Variants in HAS3 observed in about 807,000 individuals in gnomAD.
HAS3 encodes the protein hyaluronan synthase 3, also known as HA synthase 3.
In HAS3, 27 loss-of-function variants were observed where a neutral mutation model predicts 50.3. The ratio of observed to expected loss-of-function variants is 0.54; its 90% CI spans 0.40 to 0.74. The LOEUF (loss-of-function observed/expected upper bound fraction) is 0.74, where lower values mean the gene tolerates loss of function less well. Among genes scored for constraint, HAS3 ranks in the 30% least tolerant of loss-of-function variants. The probability of loss-of-function intolerance (pLI) is 0.00; values close to 1 mark genes in which losing one functional copy is unlikely to be tolerated. For missense variants in HAS3, 517 were observed against 742.8 expected (o/e 0.70, Z 3.53); for synonymous variants, 339 against 310.9 (o/e 1.09, Z -0.95).
the HAS3 span, among the ~76,000 whole-genome samples, chr16:69,090,332 C>T: frequency 6.6e-5 from 10 of 152,116 alleles, no homozygotes; most frequent in Non-Finnish European, 8.8e-5. Flanking sequence ...GGCTGCTGTG[C>T]GTATTTGTGT....
chr16:69,108,262 G>A (rs896689755), intron 1 of HAS3, among the ~76,000 whole-genome samples: 1 of 152,116 alleles, frequency 6.6e-6, no homozygotes, highest in Non-Finnish European at 1.5e-5. Flanking sequence ...TAGCTCTTCG[G>A]GGCCGGAAGT....
chr16:69,107,823 C>A lies in HAS3; in HGVS notation c.1-1573C>A. 3.6e-6 allele frequency: 2 copies of A among 552,672 alleles called. No homozygotes were observed. The highest frequency in any genetic ancestry group is 2.0e-5 in the African/African-American group (1 of 49,244). 34.2% of individuals were successfully genotyped at this position (552,672 alleles called of 1,614,324 possible). A position where few individuals can be genotyped will look rare whatever the true frequency, so the allele number is the denominator to read the frequency against. ...GGAGTCCTGTGAAGGAAGCACACGG[C>A]GGGCTCCCCGGGACGGTGGGGCAGA... On this transcript the variant is annotated intron_variant, in intron 1 of 3. Coordinates refer to ENST00000569188, the MANE Select transcript of HAS3 (RefSeq NM_001199280.2). The surrounding 1 kb of genome is among the most constrained non-coding windows in gnomAD (Gnocchi z 5.5).
At chr16:69,087,262 G>C in the HAS3 span, among the ~76,000 whole-genome samples, 1 of 152,124 alleles carries the variant, frequency 6.6e-6, no homozygotes, top group Non-Finnish European at 1.5e-5. Context: ...TGCTCTACAG[G>C]GGATGGCTCA....
In HAS3 at chr16:69,117,144, T is replaced by C. The variant is rs1961219251; in HGVS notation, c.*1878T>C. ...TAAGGCAGCTGATCCAGGCAATCGT[T>C]CTGCTGGCCAAGAAGTTAAACTATT... On this transcript the variant is annotated 3_prime_UTR_variant, in exon 4 of 4. Coordinates refer to ENST00000569188, the MANE Select transcript of HAS3 (RefSeq NM_001199280.2). 1 of 985,864 alleles carries C rather than the reference T, an allele frequency of 1.0e-6. No individual in the cohort carries two copies. The highest frequency in any genetic ancestry group is 4.7e-5 in the South Asian group (1 of 21,286). 61.1% of individuals were successfully genotyped at this position (985,864 alleles called of 1,614,324 possible). A position where few individuals can be genotyped will look rare whatever the true frequency, so the allele number is the denominator to read the frequency against.
At chr16:69,093,903 A>G in the HAS3 span, among the ~76,000 whole-genome samples, 1,856 of 152,278 alleles carry the variant, frequency 0.012, 19 homozygotes, top group Non-Finnish European at 0.019. Flanking sequence ...CTCTATTCCC[A>G]TACCATTCCT....
intron 2 of HAS3, among the ~76,000 whole-genome samples, chr16:69,112,921 G>A (rs1226572730): frequency 1.1e-4 from 17 of 152,200 alleles, no homozygotes; most frequent in Admixed American, 1.0e-3. Flanking sequence ...AGGGCGCAGA[G>A]GCCAGCAGCC....
Position 69,117,573 on chromosome 16 carries a change from CTGCT to C in HAS3, c.*2309_*2312del, listed in dbSNP as rs1277569783. The C allele has an allele frequency of 1.6e-5, 13 of 808,532 alleles. No individual in the cohort carries two copies. The highest frequency in any genetic ancestry group is 8.0e-5 in the Admixed American group (1 of 12,538). 50.1% of individuals were successfully genotyped at this position (808,532 alleles called of 1,614,324 possible). A position where few individuals can be genotyped will look rare whatever the true frequency, so the allele number is the denominator to read the frequency against. ...AATTTGTAAACATATTTATTTTTAC[CTGCT>C]TTTTTTTTTTTTTTTAATTTTCAGG... On this transcript the variant is annotated 3_prime_UTR_variant, in exon 4 of 4. Coordinates refer to ENST00000569188, the MANE Select transcript of HAS3 (RefSeq NM_001199280.2).
the HAS3 span, among the ~76,000 whole-genome samples, chr16:69,091,108 G>A: frequency 6.6e-6 from 1 of 152,046 alleles, no homozygotes; most frequent in African/African-American, 2.4e-5. Context: ...AAATTCCCAC[G>A]ATCTCACCTC....
At chr16:69,098,650 T>C in the HAS3 span, among the ~76,000 whole-genome samples, 2 of 151,364 alleles carry the variant, frequency 1.3e-5, no homozygotes, top group Non-Finnish European at 2.9e-5. Context: ...TATTAATATA[T>C]TATCAAACCT....
intron 2 of HAS3, among the ~76,000 whole-genome samples, chr16:69,111,294 A>G (rs1960994096): frequency 1.4e-5 from 2 of 147,716 alleles, no homozygotes; most frequent in Admixed American, 1.4e-4. Context: ...CTGGTCTTGA[A>G]CTCCTGACCT....
chr16:69,107,030 T>G lies in HAS3; in HGVS notation c.-1+1243T>G, dbSNP rs1327238785. 2.6e-5 allele frequency: 4 copies of G among 152,262 alleles called. No individual in the cohort carries two copies. The highest frequency in any genetic ancestry group is 9.7e-5 in the African/African-American group (4 of 41,450). The allele number at this position is 152,262 out of a possible 1,614,324, so 9.4% of individuals were successfully genotyped here. A position where few individuals can be genotyped will look rare whatever the true frequency, so the allele number is the denominator to read the frequency against. ...GGACTTGAGAGCGCCCCCAACCTTG[T>G]GCCCTTGAAAGCCGAGTGCGCGTTA... On this transcript the variant is annotated intron_variant, in intron 1 of 3. Coordinates refer to ENST00000569188, the MANE Select transcript of HAS3 (RefSeq NM_001199280.2). The surrounding 1 kb of genome is among the most constrained non-coding windows in gnomAD (Gnocchi z 5.5).
At position 69,107,334 on chromosome 16, in the gene HAS3, G is replaced by A. The variant is rs988125119; in HGVS notation, c.-1+1547G>A. ...GAGGGGTCCCGCCCAGGGAAGGAGAGGGCCGGCTACACCGGGGATGCGCCT... is the reference window on the plus strand; with the variant it reads ...GAGGGGTCCCGCCCAGGGAAGGAGAAGGCCGGCTACACCGGGGATGCGCCT... On this transcript the variant is annotated intron_variant, in intron 1 of 3. Coordinates refer to ENST00000569188, the MANE Select transcript of HAS3 (RefSeq NM_001199280.2). This position sits in a 1 kb window ranked among gnomAD's most constrained non-coding sequence, Gnocchi z 5.5. The A allele has an allele frequency of 1.0e-6, 1 of 983,480 alleles. No individual in the cohort carries two copies. The highest frequency in any genetic ancestry group is 1.2e-6 in the Non-Finnish European group (1 of 828,324). 60.9% of individuals were successfully genotyped at this position (983,480 alleles called of 1,614,324 possible). A position where few individuals can be genotyped will look rare whatever the true frequency, so the allele number is the denominator to read the frequency against.
the HAS3 span, among the ~76,000 whole-genome samples, chr16:69,093,299 C>T: frequency 0.027 from 4,097 of 152,250 alleles, 183 homozygotes; most frequent in African/African-American, 0.092. Context: ...GCAATCTCCA[C>T]CTCCCGAGTT....
chr16:69,100,599 C>A, the HAS3 span, among the ~76,000 whole-genome samples: 3 of 152,144 alleles, frequency 2.0e-5, no homozygotes, highest in Admixed American at 2.0e-4. Flanking sequence ...CCTCCTCCCG[C>A]CTCCCCTGCT....
upstream of HAS3, among the ~76,000 whole-genome samples, chr16:69,104,249 C>T (rs1960727590): frequency 6.6e-6 from 1 of 151,606 alleles, no homozygotes; most frequent in Admixed American, 6.6e-5. Context: ...CTCCACCATG[C>T]CTGGCTAATG....
chr16:69,106,422 C>G lies in HAS3; in HGVS notation c.-1+635C>G, dbSNP rs956124507. On this transcript the variant is annotated intron_variant, in intron 1 of 3. Coordinates refer to ENST00000569188, the MANE Select transcript of HAS3 (RefSeq NM_001199280.2). This position sits in a 1 kb window ranked among gnomAD's most constrained non-coding sequence, Gnocchi z 5.5. ...GTGCCTCTCGCCGAGCCCCCCGCAC[C>G]CGGCCAGCTCCCAGCCCTGCGGGCG... is the stretch of plus-strand genomic sequence containing the variant. The G allele has an allele frequency of 1.3e-5, 2 of 149,308 alleles. No homozygotes were observed. The highest frequency in any genetic ancestry group is 4.9e-5 in the African/African-American group (2 of 41,114). 9.2% of individuals were successfully genotyped at this position (149,308 alleles called of 1,614,324 possible).
At position 69,115,606 on chromosome 16, in the gene HAS3, G is replaced by A; in HGVS notation, c.*340G>A. The A allele has an allele frequency of 9.6e-7, 1 of 1,039,022 alleles. No individual in the cohort carries two copies. The highest frequency in any genetic ancestry group is 1.2e-6 in the Non-Finnish European group (1 of 865,028). The allele number at this position is 1,039,022 out of a possible 1,614,324, so 64.4% of individuals were successfully genotyped here. ...GTTAAGTCCCATTCAGTGGCAACTT[G>A]TGATAGGTACCTGAGTGACGGCAAC... On this transcript the variant is annotated 3_prime_UTR_variant, in exon 4 of 4. Transcript: ENST00000569188.
upstream of HAS3, among the ~76,000 whole-genome samples, chr16:69,101,961 T>C (rs1428252382): frequency 2.0e-5 from 3 of 152,046 alleles, no homozygotes. Flanking sequence ...ATTTTTTGTA[T>C]CTTTAGCGGA....
rs913756456 is a variant in HAS3 at position 69,113,493 on chromosome 16, G to A, written c.689G>A (p.Arg230Gln). ...LDPACTIEML[R>Q]VLEEDPQVGG... ...CCAGCCTGCACCATCGAGATGCTTC[G>A]AGTCCTGGAGGAGGATCCCCAAGTA... The change falls in exon 3 of 4, where the codon CGA becomes CAA. Residue 230 changes from arginine to glutamine, a missense_variant. Coordinates refer to ENST00000569188, the MANE Select transcript of HAS3 (RefSeq NM_001199280.2). 6.2e-6 allele frequency: 10 copies of A among 1,613,576 alleles called. No homozygotes were observed. The highest frequency in any genetic ancestry group is 4.4e-5 in the South Asian group (4 of 91,076).
Sources: gnomAD v4.1 joint callset for allele counts (sites outside exome capture counted in the v4.1 genomes callset) on GRCh38, gnomAD v4.1.1 for gene constraint, Gnocchi (gnomAD v3.1) non-coding constraint, MANE v1.5 for transcripts, NCBI Gene and HGNC (gene_info 2026-07-23, HGNC 2026-07-21) for gene names.